Variants in CSMD2 observed in about 807,000 individuals in gnomAD.
The protein encoded by CSMD2 is CUB and sushi domain-containing protein 2.
CSMD2 carries 130 observed loss-of-function variants against 398.5 expected under a neutral mutation model. The ratio of observed to expected loss-of-function variants is 0.33; its 90% CI spans 0.28 to 0.38. The LOEUF is 0.38. Among genes scored for constraint, CSMD2 ranks in the 10% least tolerant of loss-of-function variants. The probability of loss-of-function intolerance (pLI) is 1.00; values close to 1 mark genes in which losing one functional copy is unlikely to be tolerated. For synonymous variants in CSMD2, 1,828 were observed against 1,908.5 expected (o/e 0.96, Z 1.10); for missense variants, 3,829 against 4,764.9 (o/e 0.80, Z 5.78).
At chr1:33,788,851 C>T (rs535739079) in intron 11 of CSMD2, 139 bp from the exon 12 acceptor site, 4 of 615,764 alleles carry the variant, frequency 6.5e-6, no homozygotes, top group African/African-American at 3.7e-5. Flanking sequence ...GTGTTTCTGA[C>T]TCTGGAGCCC....
intron 38 of CSMD2, 28 bp downstream of exon 38, chr1:33,617,471 T>A (rs777952772): frequency 1.3e-6 from 2 of 1,550,160 alleles, no homozygotes; most frequent in Admixed American, 1.7e-5. Flanking sequence ...GACACCTGTT[T>A]CCTGCTCTAG....
chr1:34,073,295 C>A (rs1186871037), intron 2 of CSMD2, among the ~76,000 whole-genome samples: 1 of 152,156 alleles, frequency 6.6e-6, no homozygotes, highest in African/African-American at 2.4e-5. Context: ...ATCCATAATG[C>A]CTTTGGCCTC....
chr1:33,559,710 A>T lies in CSMD2; in HGVS notation c.8381-237T>A, dbSNP rs1658369887. On this transcript the variant is annotated intron_variant, in intron 53 of 70. Transcript: ENST00000373381. This position sits in a 1 kb window ranked among gnomAD's most constrained non-coding sequence, Gnocchi z 4.0. ...GATCAATCATTCTATGACTTCCCATAGGGTGTTAGGACTGGACTGTGGTTC... is the reference window on the plus strand; with the variant it reads ...GATCAATCATTCTATGACTTCCCATTGGGTGTTAGGACTGGACTGTGGTTC... Among the ~76,000 whole-genome samples the T allele has an allele frequency of 1.3e-5, 2 of 152,050 alleles. No homozygotes were observed. Among genetic ancestry groups the T allele is most frequent in the Admixed American group, 1.3e-4 (2 of 15,264 alleles).
intron 3 of CSMD2, among the ~76,000 whole-genome samples, chr1:33,984,177 C>A (rs1646269425): frequency 6.7e-6 from 1 of 149,924 alleles, no homozygotes; most frequent in African/African-American, 2.5e-5. Flanking sequence ...AAAAAAAGGA[C>A]AAAATGGACA....
At chr1:34,088,929 G>T in intron 2 of CSMD2, 48 bp downstream of exon 2, 1 of 1,482,678 alleles carries the variant, frequency 6.7e-7, no homozygotes, top group South Asian at 1.1e-5. Flanking sequence ...TAGTGAGCTT[G>T]GCTCATAGCC....
At chr1:34,126,108 C>T (rs566172658) in intron 1 of CSMD2, among the ~76,000 whole-genome samples, 33 of 152,336 alleles carry the variant, frequency 2.2e-4, no homozygotes, top group African/African-American at 7.7e-4. Flanking sequence ...TTGCCCACAG[C>T]AGTAGCTGGG....
At position 34,076,990 on chromosome 1, in the gene CSMD2, G is replaced by A. The variant is rs1459284642; in HGVS notation, c.404+11987C>T. On this transcript the variant is annotated intron_variant, in intron 2 of 70. Transcript: ENST00000373381. The stretch of plus-strand genomic sequence containing the variant: ...TGACTCCCATGACTCCCAGCCTTAA[G>A]GAGCTTAGAATCTAATAGGAGGAAA... Among the ~76,000 whole-genome samples, 3 of 135,122 alleles carry A rather than the reference G, an allele frequency of 2.2e-5. No homozygotes were observed. The Admixed American group carries it at 2.3e-4, about 10-fold the overall frequency. 88.6% of individuals were successfully genotyped at this position (135,122 alleles called of 152,430 possible).
At chr1:33,957,623 C>T (rs1645211553) in intron 3 of CSMD2, among the ~76,000 whole-genome samples, 1 of 152,162 alleles carries the variant, frequency 6.6e-6, no homozygotes, top group Admixed American at 6.5e-5. Context: ...ATCCCACTCC[C>T]AGGTTGGCCA....
intron 2 of CSMD2, among the ~76,000 whole-genome samples, chr1:34,054,176 A>G (rs1210972394): frequency 6.6e-6 from 1 of 151,268 alleles, no homozygotes; most frequent in Non-Finnish European, 1.5e-5. Context: ...CTGTTTTTCC[A>G]CAAATGTCCT....
intron 1 of CSMD2, among the ~76,000 whole-genome samples, chr1:34,157,162 C>A (rs574167387): frequency 6.6e-6 from 1 of 152,064 alleles, no homozygotes; most frequent in South Asian, 2.1e-4. Context: ...GAAAAGGGAG[C>A]CTCCAGCATT....
intron 58 of CSMD2, among the ~76,000 whole-genome samples, chr1:33,542,086 G>T (rs115025264): frequency 6.6e-6 from 1 of 152,142 alleles, no homozygotes; most frequent in Non-Finnish European, 1.5e-5. Flanking sequence ...AGAGGGAGTC[G>T]AAATCACAGA....
At position 33,624,739 on chromosome 1, in the gene CSMD2, C is replaced by T; in HGVS notation, c.5501-96G>A. 6.7e-7 allele frequency: 1 copy of T among 1,488,092 alleles called. No homozygotes were observed. The highest frequency in any genetic ancestry group is 9.1e-7 in the Non-Finnish European group (1 of 1,102,472). 92.2% of individuals were successfully genotyped at this position (1,488,092 alleles called of 1,614,324 possible). ...CTCATGGCCCCCAGCCTCTGTTTGT[C>T]CTCCTCCCCATGGGGGTGTCTCCCT... On this transcript the variant is annotated intron_variant, in intron 34 of 70. Transcript: ENST00000373381. This position sits in a 1 kb window ranked among gnomAD's most constrained non-coding sequence, Gnocchi z 4.7.
chr1:33,965,523 T>C (rs1033726964), intron 3 of CSMD2, among the ~76,000 whole-genome samples: 1 of 152,190 alleles, frequency 6.6e-6, no homozygotes, highest in South Asian at 2.1e-4. Flanking sequence ...GTGCCTCGGC[T>C]TGATGCTGGG....
At position 33,636,671 on chromosome 1, in the gene CSMD2, G is replaced by A. The variant is rs567871061; in HGVS notation, c.4775-117C>T. 4.0e-6 allele frequency: 3 copies of A among 752,144 alleles called. No individual in the cohort carries two copies. The South Asian group carries it at 5.4e-5, about 13-fold the overall frequency. The allele number at this position is 752,144 out of a possible 1,614,324, so 46.6% of individuals were successfully genotyped here. Reference sequence around the variant, plus strand: ...TTTAATTAGCCACAGAGCACACGGGGATGCGTGACTGTGGCTCCTATTCCC... The same window carrying A: ...TTTAATTAGCCACAGAGCACACGGGAATGCGTGACTGTGGCTCCTATTCCC... On this transcript the variant is annotated intron_variant, in intron 29 of 70. Transcript: ENST00000373381. This position sits in a 1 kb window ranked among gnomAD's most constrained non-coding sequence, Gnocchi z 4.8.
At chr1:34,019,793 T>G (rs1017681091) in intron 3 of CSMD2, among the ~76,000 whole-genome samples, 4 of 152,152 alleles carry the variant, frequency 2.6e-5, no homozygotes, top group African/African-American at 9.7e-5. Context: ...ACATGAGCTA[T>G]TCCCTGTCCC....
intron 12 of CSMD2, among the ~76,000 whole-genome samples, chr1:33,780,570 A>G (rs181599369): frequency 2.0e-5 from 3 of 152,362 alleles, no homozygotes; most frequent in Admixed American, 6.5e-5. Context: ...AGCTGTCTGC[A>G]TTAGCCCCAA....
chr1:34,130,134 A>G (rs9425908), intron 1 of CSMD2, among the ~76,000 whole-genome samples: 47,121 of 152,004 alleles, frequency 0.31, 8,577 homozygotes, highest in Non-Finnish European at 0.41. Flanking sequence ...CACTGGGGGT[A>G]CAGAGTCCCT....
intron 6 of CSMD2, among the ~76,000 whole-genome samples, chr1:33,844,106 C>T (rs1364823799): frequency 2.6e-5 from 4 of 152,238 alleles, no homozygotes; most frequent in Non-Finnish European, 5.9e-5. Context: ...GGACCCCTGA[C>T]TGAAATCTAT....
At chr1:33,540,919 C>T (rs1466984258) in intron 59 of CSMD2, among the ~76,000 whole-genome samples, 1 of 152,122 alleles carries the variant, frequency 6.6e-6, no homozygotes, top group Non-Finnish European at 1.5e-5. Context: ...CGGGACCCTC[C>T]CCTCAATGTT....
Sources: allele counts gnomAD v4.1 joint callset (sites outside exome capture counted in the v4.1 genomes callset), GRCh38; gene constraint gnomAD v4.1.1; non-coding constraint Gnocchi (gnomAD v3.1); transcripts MANE v1.5; gene names NCBI Gene and HGNC (gene_info 2026-07-23, HGNC 2026-07-21).